The following GRID2 variants were observed in gnomAD, a reference collection of about 807,000 sequenced individuals.
The protein encoded by GRID2 is glutamate receptor ionotropic, delta-2.
In GRID2, 33 loss-of-function variants were observed where a neutral mutation model predicts 114.8. The ratio of observed to expected loss-of-function variants is 0.29; its 90% CI spans 0.22 to 0.38. GRID2 has a LOEUF of 0.38. GRID2 is among the 10% of genes least tolerant of loss of function. GRID2 has a pLI of 1.00. For synonymous variants in GRID2, 505 were observed against 449.9 expected (o/e 1.12, Z -1.55); for missense variants, 1,184 against 1,257.7 (o/e 0.94, Z 0.89).
At chr4:93,511,927 G>C (rs908613459) in intron 12 of GRID2, among the ~76,000 whole-genome samples, 4 of 151,878 alleles carry the variant, frequency 2.6e-5, no homozygotes, top group African/African-American at 9.7e-5. Context: ...GATTACAGGT[G>C]CATGCCACCA....
At chr4:93,043,087 C>G (rs760807668) in intron 2 of GRID2, among the ~76,000 whole-genome samples, 2 of 152,064 alleles carry the variant, frequency 1.3e-5, no homozygotes, top group Non-Finnish European at 2.9e-5. Context: ...GGCAAGATAT[C>G]AAGGTCTGTT....
intron 8 of GRID2, among the ~76,000 whole-genome samples, chr4:93,295,607 C>T (rs1053205512): frequency 2.0e-5 from 3 of 151,950 alleles, no homozygotes; most frequent in Non-Finnish European, 4.4e-5. Context: ...CTCCTCCTCT[C>T]CCCGCTCCTC....
intron 1 of GRID2, among the ~76,000 whole-genome samples, chr4:92,445,949 T>C (rs1733439384): frequency 1.3e-5 from 2 of 152,168 alleles, no homozygotes; most frequent in South Asian, 4.1e-4. Context: ...TCATATTTTT[T>C]GTTTGTTTGT....
At chr4:92,797,976 T>C (rs1739973203) in intron 2 of GRID2, among the ~76,000 whole-genome samples, 2 of 152,018 alleles carry the variant, frequency 1.3e-5, no homozygotes, top group Admixed American at 1.3e-4. Flanking sequence ...AAAATTGTTA[T>C]TTTAATGGAG....
chr4:93,323,444 C>T (rs776053117), intron 8 of GRID2, among the ~76,000 whole-genome samples: 1 of 152,130 alleles, frequency 6.6e-6, no homozygotes, highest in Non-Finnish European at 1.5e-5. Flanking sequence ...GTTTTGGTTA[C>T]TGTAGCCTTG....
At chr4:93,267,587 A>G (rs1439720570) in intron 8 of GRID2, among the ~76,000 whole-genome samples, 1 of 152,098 alleles carries the variant, frequency 6.6e-6, no homozygotes, top group Non-Finnish European at 1.5e-5. Context: ...GTCACACACA[A>G]TTTGCCTTCA....
intron 8 of GRID2, among the ~76,000 whole-genome samples, chr4:93,315,035 G>T (rs1451627983): frequency 6.6e-6 from 1 of 152,004 alleles, no homozygotes; most frequent in Non-Finnish European, 1.5e-5. Flanking sequence ...TGCCTGGCTG[G>T]GGAGGCCTCA....
intron 2 of GRID2, among the ~76,000 whole-genome samples, chr4:92,694,358 G>GTCTCCCATCTA (rs1305977791): frequency 1.3e-5 from 2 of 152,128 alleles, no homozygotes; most frequent in Non-Finnish European, 2.9e-5. Context: ...AAAGGAAGAT[G>GTCTCCCATCTA]GGAGAAAGCC....
At chr4:92,889,717 A>G (rs771339340) in intron 2 of GRID2, among the ~76,000 whole-genome samples, 2 of 152,192 alleles carry the variant, frequency 1.3e-5, no homozygotes, top group South Asian at 2.1e-4. Context: ...ATTCAATACT[A>G]TTCCCATCAA....
intron 1 of GRID2, among the ~76,000 whole-genome samples, chr4:92,587,813 G>T (rs1041192260): frequency 6.6e-6 from 1 of 152,106 alleles, no homozygotes; most frequent in Non-Finnish European, 1.5e-5. Context: ...AATATTAAGT[G>T]TTCTGCCATG....
chr4:92,911,394 T>G (rs1185267431), intron 2 of GRID2, among the ~76,000 whole-genome samples: 1 of 152,060 alleles, frequency 6.6e-6, no homozygotes. Context: ...ACCACTTTTC[T>G]GAAGGACAAC....
chr4:93,378,820 G>A (rs1763601759), intron 8 of GRID2, among the ~76,000 whole-genome samples: 1 of 151,988 alleles, frequency 6.6e-6, no homozygotes, highest in South Asian at 2.1e-4. Flanking sequence ...TTTGGAGAAA[G>A]GTTACAGTTT....
intron 2 of GRID2, among the ~76,000 whole-genome samples, chr4:92,789,367 C>G (rs150200770): frequency 1.3e-5 from 2 of 151,956 alleles, no homozygotes; most frequent in South Asian, 2.1e-4. Context: ...GTGGGAATTG[C>G]TAAGTGATTA....
chr4:92,402,570 T>A (rs564237910), intron 1 of GRID2, among the ~76,000 whole-genome samples: 1 of 152,288 alleles, frequency 6.6e-6, no homozygotes, highest in African/African-American at 2.4e-5. Flanking sequence ...CCACTGCAAA[T>A]GAGTACTAAT....
intron 1 of GRID2, among the ~76,000 whole-genome samples, chr4:92,433,496 T>G (rs1732573762): frequency 6.6e-6 from 1 of 152,118 alleles, no homozygotes; most frequent in Admixed American, 6.5e-5. Context: ...CCAGCTGAAT[T>G]TTGCCCTGTG....
At chr4:93,334,510 T>G (rs1212634113) in intron 8 of GRID2, among the ~76,000 whole-genome samples, 1 of 152,224 alleles carries the variant, frequency 6.6e-6, no homozygotes, top group Non-Finnish European at 1.5e-5. Flanking sequence ...TTATTAGTTC[T>G]GTCCCTTTAC....
intron 2 of GRID2, among the ~76,000 whole-genome samples, chr4:92,981,072 T>G (rs1268475814): frequency 6.6e-6 from 1 of 152,094 alleles, no homozygotes; most frequent in Admixed American, 6.6e-5. Flanking sequence ...CTCATTTCAA[T>G]GTTGATAATT....
At chr4:92,606,884 GT>G (rs1459836185) in intron 2 of GRID2, among the ~76,000 whole-genome samples, 8 of 151,938 alleles carry the variant, frequency 5.3e-5, no homozygotes, top group African/African-American at 1.7e-4. Context: ...ACAAAACACA[GT>G]AAGGGTGCCT....
At chr4:93,343,203 T>G (rs1759846713) in intron 8 of GRID2, among the ~76,000 whole-genome samples, 1 of 151,666 alleles carries the variant, frequency 6.6e-6, no homozygotes, top group Admixed American at 6.6e-5. Context: ...TTAGAAGTTA[T>G]TAGAAGTTCC....
Sources: allele counts gnomAD v4.1 joint callset (sites outside exome capture counted in the v4.1 genomes callset), GRCh38; gene constraint gnomAD v4.1.1; transcripts MANE v1.5; gene names NCBI Gene and HGNC (gene_info 2026-07-23, HGNC 2026-07-21).